The following IMMP2L variants were observed in gnomAD, a reference collection of about 807,000 sequenced individuals.
IMMP2L encodes mitochondrial inner membrane protease subunit 2.
Under a neutral mutation model 19.3 loss-of-function variants are expected in IMMP2L, and 18 were observed. The ratio of observed to expected loss-of-function variants is 0.93; its 90% confidence interval spans 0.64 to 1.38. The LOEUF (loss-of-function observed/expected upper bound fraction) is 1.38. IMMP2L is among the 40% of genes most tolerant of loss of function. IMMP2L has a pLI of 0.00. For synonymous variants in IMMP2L, 76 were observed against 73.0 expected, an observed-to-expected ratio of 1.04 and a Z score of -0.21; for missense variants, 233 against 218.2, an observed-to-expected ratio of 1.07 and a Z score of -0.43.
intron 3 of IMMP2L, among the ~76,000 whole-genome samples, chr7:111,136,136 C>T: frequency 6.6e-6 from 1 of 151,696 alleles, no homozygotes; most frequent in East Asian, 1.9e-4. Flanking sequence ...TCATGCAATT[C>T]TCTGCCTCAG....
At chr7:110,864,879 C>G (rs1807823019) in intron 5 of IMMP2L, among the ~76,000 whole-genome samples, 2 of 152,122 alleles carry the variant, frequency 1.3e-5, no homozygotes, top group South Asian at 2.1e-4. Flanking sequence ...GTCTTTTCTT[C>G]CCTGATTTTC....
intron 3 of IMMP2L, among the ~76,000 whole-genome samples, chr7:111,251,068 C>G (rs1816053552): frequency 6.6e-6 from 1 of 151,966 alleles, no homozygotes; most frequent in South Asian, 2.1e-4. Context: ...AACAAACAAC[C>G]CCATTTAAAA....
At chr7:111,546,951 T>C (rs1848982902) in intron 1 of IMMP2L, among the ~76,000 whole-genome samples, 1 of 152,140 alleles carries the variant, frequency 6.6e-6, no homozygotes, top group South Asian at 2.1e-4. Flanking sequence ...TTAGTCTCAT[T>C]GGGGTACAGA....
chr7:110,842,406 G>A (rs1029521807), intron 5 of IMMP2L, among the ~76,000 whole-genome samples: 1 of 152,128 alleles, frequency 6.6e-6, no homozygotes, highest in Non-Finnish European at 1.5e-5. Context: ...CGGGTCCACA[G>A]GCCACAGGAC....
intron 3 of IMMP2L, among the ~76,000 whole-genome samples, chr7:111,242,654 C>T (rs971582139): frequency 2.6e-5 from 4 of 152,010 alleles, no homozygotes; most frequent in African/African-American, 9.7e-5. Flanking sequence ...AATCCTTCTT[C>T]ATTCTGAAGG....
At chr7:111,267,485 C>G (rs974617771) in intron 3 of IMMP2L, among the ~76,000 whole-genome samples, 2 of 152,050 alleles carry the variant, frequency 1.3e-5, no homozygotes, top group African/African-American at 4.8e-5. Flanking sequence ...TTGCTAGGAG[C>G]GCTAGTCTCC....
chr7:111,075,124 T>A (rs1255072029), intron 3 of IMMP2L, among the ~76,000 whole-genome samples: 3 of 13,040 alleles, frequency 2.3e-4, no homozygotes, highest in African/African-American at 3.0e-4. Flanking sequence ...GACTTTTTTT[T>A]TTTTTTTTTT....
At chr7:110,724,189 G>T (rs1156541938) in intron 5 of IMMP2L, 1 of 152,108 alleles carries the variant, frequency 6.6e-6, no homozygotes, top group Non-Finnish European at 1.5e-5. Context: ...AATATTTCAA[G>T]ATTTATTTAT....
rs147660718 is a variant in IMMP2L at position 111,160,471 on chromosome 7, GGTGA to G, written c.240-196910_240-196907del. On this transcript the variant is annotated intron_variant, in intron 3 of 5. Transcript: ENST00000405709. ...ATCATACATGTTTTAAGGCTGGTAT[GGTGA>G]GTAAGTCATTTTGCATATAAGTGAG... 3.9e-4 allele frequency among the ~76,000 whole-genome samples: 59 copies of G among 151,966 alleles called. 1 individual carries two copies. Among genetic ancestry groups the G allele is most frequent in the African/African-American group, 1.0e-3 (43 of 41,516 alleles).
intron 4 of IMMP2L, among the ~76,000 whole-genome samples, chr7:110,912,118 G>C (rs1469177804): frequency 6.6e-6 from 1 of 151,468 alleles, no homozygotes; most frequent in East Asian, 1.9e-4. Context: ...ACAAACCTAA[G>C]ACAAAAAAAA....
At chr7:111,254,786 T>G (rs1280417999) in intron 3 of IMMP2L, among the ~76,000 whole-genome samples, 1 of 152,136 alleles carries the variant, frequency 6.6e-6, no homozygotes. Flanking sequence ...TAACACAAGT[T>G]TTGTATCCCT....
At chr7:110,731,026 T>G (rs1429447210) in intron 5 of IMMP2L, among the ~76,000 whole-genome samples, 1 of 152,278 alleles carries the variant, frequency 6.6e-6, no homozygotes, top group East Asian at 1.9e-4. Flanking sequence ...CTGATGGGCG[T>G]GACTAGAAAG....
intron 3 of IMMP2L, among the ~76,000 whole-genome samples, chr7:111,270,797 A>AT (rs1375680639): frequency 2.6e-5 from 4 of 152,092 alleles, no homozygotes; most frequent in Middle Eastern, 3.2e-3. Context: ...TACTCATAGA[A>AT]TTTTTTCTTT....
At chr7:110,843,276 A>T (rs961129117) in intron 5 of IMMP2L, among the ~76,000 whole-genome samples, 1 of 152,214 alleles carries the variant, frequency 6.6e-6, no homozygotes, top group Non-Finnish European at 1.5e-5. Context: ...GCTTAATTTC[A>T]ACTTTGTTGG....
chr7:110,805,356 C>A (rs1350529844), intron 5 of IMMP2L, among the ~76,000 whole-genome samples: 1 of 151,948 alleles, frequency 6.6e-6, no homozygotes, highest in Admixed American at 6.6e-5. Flanking sequence ...GTTAAATTAA[C>A]AGAACCTAGA....
intron 5 of IMMP2L, among the ~76,000 whole-genome samples, chr7:110,794,307 T>C (rs1800702094): frequency 6.6e-6 from 1 of 151,974 alleles, no homozygotes; most frequent in Non-Finnish European, 1.5e-5. Flanking sequence ...TACAATGAAA[T>C]GTTACTCAGC....
intron 3 of IMMP2L, among the ~76,000 whole-genome samples, chr7:111,117,394 A>G (rs551392157): frequency 5.8e-4 from 88 of 152,214 alleles, no homozygotes; most frequent in Non-Finnish European, 8.5e-4. Context: ...CCCCAGTTAC[A>G]AAATCATCCA....
intron 5 of IMMP2L, among the ~76,000 whole-genome samples, chr7:110,795,547 C>G (rs1800806840): frequency 6.6e-6 from 1 of 151,982 alleles, no homozygotes; most frequent in Non-Finnish European, 1.5e-5. Context: ...ACAACCAACT[C>G]AAGCATAAGC....
chr7:110,783,065 G>A (rs1027819092), intron 5 of IMMP2L, among the ~76,000 whole-genome samples: 1 of 151,836 alleles, frequency 6.6e-6, no homozygotes, highest in African/African-American at 2.4e-5. Flanking sequence ...TGAGTACACC[G>A]AGGTTGGAGC....
Sources: gnomAD v4.1 joint callset for allele counts (sites outside exome capture counted in the v4.1 genomes callset) on GRCh38, gnomAD v4.1.1 for gene constraint, MANE v1.5 for transcripts, NCBI Gene and HGNC (gene_info 2026-07-23, HGNC 2026-07-21) for gene names.